The following RGPD3 variants were observed in gnomAD, a reference collection of about 807,000 sequenced individuals.
RGPD3 encodes the protein ranBP2-like and GRIP domain-containing protein 3.
Under a neutral mutation model 154.5 loss-of-function variants are expected in RGPD3, and 62 were observed. The ratio of observed to expected loss-of-function variants is 0.40; its 90% confidence interval spans 0.33 to 0.50. The LOEUF (loss-of-function observed/expected upper bound fraction) is 0.50, where lower values mean the gene tolerates loss of function less well. Ranked by LOEUF, RGPD3 falls within the 20% of genes least tolerant of loss-of-function variation. The probability of loss-of-function intolerance (pLI) is 0.59; values close to 1 mark genes in which losing one functional copy is unlikely to be tolerated. For missense variants in RGPD3, 919 were observed against 1,716.8 expected (o/e 0.54, Z 8.21); for synonymous variants, 308 against 607.0 (o/e 0.51, Z 7.24).
At chr2:106,410,099 C>G (rs1676626164) in intron 22 of RGPD3, among the ~76,000 whole-genome samples, 1 of 151,884 alleles carries the variant, frequency 6.6e-6, no homozygotes, top group African/African-American at 2.4e-5. Context: ...TGGTCTTGAA[C>G]TCCTGACCTC....
chr2:106,418,084 C>A (rs1462476912), intron 20 of RGPD3, among the ~76,000 whole-genome samples: 2 of 144,452 alleles, frequency 1.4e-5, no homozygotes, highest in Non-Finnish European at 3.0e-5. Context: ...GCCAAGATCA[C>A]GCCACTGCAC....
At chr2:106,411,453 C>T (rs1676669789) in intron 22 of RGPD3, among the ~76,000 whole-genome samples, 3 of 143,652 alleles carry the variant, frequency 2.1e-5, no homozygotes, top group African/African-American at 2.6e-5. Flanking sequence ...TATAGAACTG[C>T]TATAGCATAA....
At chr2:106,436,285 T>G in intron 11 of RGPD3, 39 bp from the exon 12 acceptor site, 1 of 1,611,556 alleles carries the variant, frequency 6.2e-7, no homozygotes. Flanking sequence ...GCTTTCTAAA[T>G]ACACAGTTCA....
In RGPD3 at chr2:106,405,183, A is replaced by G. The variant is rs1324074254; in HGVS notation, c.*36T>C. On this transcript the variant is annotated 3_prime_UTR_variant, in exon 23 of 23. Coordinates refer to ENST00000409886, the MANE Select transcript of RGPD3 (RefSeq NM_001144013.2). ...CCTATCGAAGTCCAAACCAACTACG[A>G]AGATAGGATGCCCATCCAGAAGAAC... is the stretch of plus-strand genomic sequence containing the variant. 1.2e-6 allele frequency: 2 copies of G among 1,608,976 alleles called. No homozygotes were observed. The highest frequency in any genetic ancestry group is 2.7e-5 in the African/African-American group (2 of 74,574).
At chr2:106,460,461 C>A (rs1678375548) in intron 1 of RGPD3, among the ~76,000 whole-genome samples, 1 of 137,536 alleles carries the variant, frequency 7.3e-6, no homozygotes, top group African/African-American at 2.7e-5. Context: ...GTCAAGGAGT[C>A]AAAAAGGCAG....
chr2:106,421,738 C>T (rs564628241), intron 20 of RGPD3, among the ~76,000 whole-genome samples: 1 of 151,912 alleles, frequency 6.6e-6, no homozygotes, highest in Non-Finnish European at 1.5e-5. Flanking sequence ...CTCTTCCATA[C>T]TGTATACATG....
chr2:106,430,114 C>T, intron 17 of RGPD3, among the ~76,000 whole-genome samples: 1 of 149,792 alleles, frequency 6.7e-6, no homozygotes, highest in Non-Finnish European at 1.5e-5. Flanking sequence ...GAACTCCTGA[C>T]CTCAAGTGAT....
Position 106,465,649 on chromosome 2 carries a change from A to G in RGPD3, c.72+2568T>C, listed in dbSNP as rs1432133936. 2.6e-5 allele frequency among the ~76,000 whole-genome samples: 4 copies of G among 152,016 alleles called. No individual in the cohort carries two copies. The East Asian group carries it at 7.8e-4, about 29-fold the overall frequency. ...TAATCTCAGCATTATTTACATGTAA[A>G]GAGGAAAAATACCCTTAAAACATTT... On this transcript the variant is annotated intron_variant, in intron 1 of 22. Transcript: ENST00000409886.
rs1238196301 is a variant in RGPD3, at chr2:106,450,187, G to A, written c.782+2018C>T. Among the ~76,000 whole-genome samples the A allele has an allele frequency of 3.2e-5, 4 of 123,900 alleles. No homozygotes were observed. In the Admixed American group the frequency reaches 3.5e-4, roughly 11 times the overall value. The allele number at this position is 123,900 out of a possible 152,430, so 81.3% of individuals were successfully genotyped here. A position where few individuals can be genotyped will look rare whatever the true frequency, so the allele number is the denominator to read the frequency against. ...GAGGTCAGGAGATCGAGACCATCCTGGCTAAGAAGGTGACACTCCGTCTCT... is the reference window on the plus strand; with the variant it reads ...GAGGTCAGGAGATCGAGACCATCCTAGCTAAGAAGGTGACACTCCGTCTCT... On this transcript the variant is annotated intron_variant, in intron 6 of 22. Transcript: ENST00000409886.
At chr2:106,417,651 T>C (rs960210756) in intron 20 of RGPD3, among the ~76,000 whole-genome samples, 4 of 150,480 alleles carry the variant, frequency 2.7e-5, no homozygotes, top group South Asian at 2.1e-4. Context: ...TCTTCAAAGA[T>C]TGTTGAGAGG....
intron 21 of RGPD3, among the ~76,000 whole-genome samples, chr2:106,414,252 G>C (rs1676753766): frequency 1.3e-5 from 2 of 152,066 alleles, no homozygotes; most frequent in Non-Finnish European, 2.9e-5. Context: ...AGCGAACTTT[G>C]TCCTCAAACC....
At chr2:106,406,909 T>C (rs1239831007) in intron 22 of RGPD3, among the ~76,000 whole-genome samples, 1 of 152,228 alleles carries the variant, frequency 6.6e-6, no homozygotes, top group African/African-American at 2.4e-5. Flanking sequence ...TTTATTTTTC[T>C]GTTCTGTCTG....
chr2:106,461,341 T>G (rs1470454042), intron 1 of RGPD3, among the ~76,000 whole-genome samples: 1 of 150,136 alleles, frequency 6.7e-6, no homozygotes, highest in Non-Finnish European at 1.5e-5. Flanking sequence ...AAGGGTTACT[T>G]GAACACAAGC....
intron 22 of RGPD3, among the ~76,000 whole-genome samples, chr2:106,406,260 A>T (rs564979260): frequency 6.7e-6 from 1 of 150,228 alleles, no homozygotes; most frequent in East Asian, 1.9e-4. Flanking sequence ...ATGCACAGTT[A>T]CGTACCACCA....
intron 7 of RGPD3, among the ~76,000 whole-genome samples, chr2:106,446,549 G>T (rs1204758529): frequency 1.3e-5 from 1 of 78,560 alleles, no homozygotes; most frequent in African/African-American, 5.0e-5. Flanking sequence ...CAGCCTGGGC[G>T]ACAGAGCGAG....
chr2:106,439,951 T>C (rs1355821448), intron 8 of RGPD3, among the ~76,000 whole-genome samples: 1 of 111,424 alleles, frequency 9.0e-6, no homozygotes, highest in African/African-American at 3.2e-5. Flanking sequence ...CAAAAAATCA[T>C]AGTCCTCGGA....
intron 21 of RGPD3, 59 bp downstream of exon 21, chr2:106,415,791 T>C: frequency 6.2e-7 from 1 of 1,611,104 alleles, no homozygotes; most frequent in Non-Finnish European, 8.5e-7. Flanking sequence ...TACATGTGTA[T>C]GGAGGGTCCA....
chr2:106,438,031 A>AGCGATTCTCCT (rs1677623056), intron 9 of RGPD3, among the ~76,000 whole-genome samples: 1 of 152,228 alleles, frequency 6.6e-6, no homozygotes, highest in Admixed American at 6.5e-5. Flanking sequence ...TCCCGGTTGA[A>AGCGATTCTCCT]GCGATTCTCC....
rs865949641 is a variant in RGPD3 at position 106,448,942 on chromosome 2, T to C, written c.783-1329A>G. ...TCCTGACTTCGTGATCCACCCGCCT[T>C]GGCCTCCCAAAGTGCTGGGATTACA... On this transcript the variant is annotated intron_variant, in intron 6 of 22. Transcript: ENST00000409886. Among the ~76,000 whole-genome samples the C allele has an allele frequency of 3.3e-3, 505 of 150,998 alleles. 3 individuals are homozygous for C. Among genetic ancestry groups the C allele is most frequent in the East Asian group, 0.017 (87 of 5,026 alleles).
Sources: gnomAD v4.1 joint callset for allele counts (sites outside exome capture counted in the v4.1 genomes callset) on GRCh38, gnomAD v4.1.1 for gene constraint, MANE v1.5 for transcripts, NCBI Gene and HGNC (gene_info 2026-07-23, HGNC 2026-07-21) for gene names.